The following HNRNPA3 variants were observed in gnomAD, a reference collection of about 807,000 sequenced individuals.
The protein encoded by HNRNPA3 is heterogeneous nuclear ribonucleoprotein A3.
In HNRNPA3, 3 loss-of-function variants were observed where a neutral mutation model predicts 45.8. That is an observed-to-expected ratio of 0.07 (90% CI 0.03 to 0.17). The LOEUF is 0.17. Ranked by LOEUF, HNRNPA3 falls within the 10% of genes least tolerant of loss-of-function variation. HNRNPA3 has a pLI of 1.00. For synonymous variants in HNRNPA3, 170 were observed against 155.6 expected (o/e 1.09, Z -0.69); for missense variants, 183 against 480.3 (o/e 0.38, Z 5.79).
At position 177,216,843 on chromosome 2, in the gene HNRNPA3, T is replaced by C; in HGVS notation, c.740-17T>C. The C allele has an allele frequency of 6.2e-7, 1 of 1,612,600 alleles. No homozygotes were observed. The highest frequency in any genetic ancestry group is 8.5e-7 in the Non-Finnish European group (1 of 1,179,752). Reference sequence around the variant, plus strand: ...AGTTGAATATATTATTTTAATTCATTTCTTGTTTTTCCTCAGGAGGCTATG... The same window carrying C: ...AGTTGAATATATTATTTTAATTCATCTCTTGTTTTTCCTCAGGAGGCTATG... On this transcript the variant is annotated splice_polypyrimidine_tract_variant and intron_variant, in intron 6 of 10. Transcript: ENST00000392524.
intron 4 of HNRNPA3, 38 bp from the exon 5 acceptor site, chr2:177,216,465 A>C: frequency 6.7e-7 from 1 of 1,482,484 alleles, no homozygotes; most frequent in Non-Finnish European, 9.4e-7. Flanking sequence ...CCAAACATAA[A>C]ATAACTTTTT....
rs979972619 is a variant in HNRNPA3 at position 177,215,062 on chromosome 2, C to T, written c.73-477C>T. On this transcript the variant is annotated intron_variant, in intron 1 of 10. Transcript: ENST00000392524. ...TATAGGTTTCCTTGACATAAGTTAG[C>T]CCCTTTAACAGTTGAAGTCTTATTT... is the stretch of plus-strand genomic sequence containing the variant. Among the ~76,000 whole-genome samples the T allele has an allele frequency of 3.9e-5, 6 of 152,102 alleles. No homozygotes were observed. The East Asian group carries it at 7.7e-4, about 20-fold the overall frequency.
chr2:177,213,590 CTTACA>C (rs949755730), intron 1 of HNRNPA3, among the ~76,000 whole-genome samples: 2 of 152,166 alleles, frequency 1.3e-5, no homozygotes, highest in Non-Finnish European at 2.9e-5. Flanking sequence ...TGCTAAAGTA[CTTACA>C]TTACACTTCT....
intron 7 of HNRNPA3, 113 bp from the exon 8 acceptor site, chr2:177,217,592 A>T: frequency 7.7e-7 from 1 of 1,299,744 alleles, no homozygotes; most frequent in Non-Finnish European, 1.1e-6. Context: ...GCACCACTGT[A>T]CTTGAGCCCG....
downstream of HNRNPA3, chr2:177,222,889 C>T (rs574263108): frequency 2.6e-5 from 4 of 152,718 alleles, no homozygotes; most frequent in South Asian, 4.1e-4. Flanking sequence ...GTTACATTTT[C>T]GTTCCTTTTT....
intron 8 of HNRNPA3, among the ~76,000 whole-genome samples, chr2:177,218,144 C>T (rs1225322656): frequency 1.4e-5 from 2 of 144,358 alleles, no homozygotes; most frequent in African/African-American, 2.6e-5. Flanking sequence ...TCATTGCAAT[C>T]TCCGCCTCCC....
At chr2:177,223,184 A>C (rs1689261733), downstream of HNRNPA3, 1 of 152,256 alleles carries the variant, frequency 6.6e-6, no homozygotes, top group African/African-American at 2.4e-5. Flanking sequence ...GGTTGGCTCT[A>C]TTTAAATCAG....
At chr2:177,214,140 G>A (rs2105425224) in intron 1 of HNRNPA3, among the ~76,000 whole-genome samples, 1 of 152,334 alleles carries the variant, frequency 6.6e-6, no homozygotes, top group African/African-American at 2.4e-5. Flanking sequence ...CATGCAATGT[G>A]TTAAAAAGTC....
intron 1 of HNRNPA3, among the ~76,000 whole-genome samples, chr2:177,213,826 G>A (rs919695924): frequency 6.6e-6 from 1 of 152,202 alleles, no homozygotes; most frequent in African/African-American, 2.4e-5. Flanking sequence ...TTTATTTAGA[G>A]GACTGCAACC....
intron 7 of HNRNPA3, 149 bp downstream of exon 7, chr2:177,217,089 C>T: frequency 3.6e-6 from 3 of 835,462 alleles, no homozygotes; most frequent in Non-Finnish European, 5.3e-6. Flanking sequence ...AACAGGAACC[C>T]TTTTTCCCCT....
At position 177,218,052 on chromosome 2, in the gene HNRNPA3, CTTTTTTTTTTTT is replaced by C. The variant is rs58476089; in HGVS notation, c.961+223_961+234del. ...ACAAATGTACTCAGCTCTCTTTTTT[CTTTTTTTTTTTT>C]TTTTTTTTTTTTTTTGAGATGGAGT... On this transcript the variant is annotated intron_variant, in intron 8 of 10. Coordinates refer to ENST00000392524, the Ensembl canonical transcript of HNRNPA3. Among the ~76,000 whole-genome samples, 95 of 102,158 alleles carry C rather than the reference CTTTTTTTTTTTT, an allele frequency of 9.3e-4. 3 individuals carry two copies. The highest frequency in any genetic ancestry group is 1.6e-3 in the East Asian group (6 of 3,766). 67.0% of individuals were successfully genotyped at this position (102,158 alleles called of 152,430 possible). A position where few individuals can be genotyped will look rare whatever the true frequency, so the allele number is the denominator to read the frequency against.
downstream of HNRNPA3, chr2:177,221,203 T>A (rs1190364082): frequency 1.3e-5 from 2 of 152,648 alleles, no homozygotes; most frequent in African/African-American, 4.8e-5. Flanking sequence ...TAGGCTAATA[T>A]TAGAAAATGG....
At chr2:177,218,038 C>A (rs1478634400) in intron 8 of HNRNPA3, among the ~76,000 whole-genome samples, 193 bp downstream of exon 8, 1 of 144,392 alleles carries the variant, frequency 6.9e-6, no homozygotes, top group Non-Finnish European at 1.5e-5. Flanking sequence ...CAAATGTACT[C>A]AGCTCTCTTT....
At chr2:177,219,854 T>G (rs1286644544) in exon 11 of HNRNPA3, 2 of 152,728 alleles carry the variant, frequency 1.3e-5, no homozygotes, top group East Asian at 1.9e-4. Context: ...TGTTTCCTTG[T>G]GAGTTAACAA....
chr2:177,214,908 T>A (rs1375164131), intron 1 of HNRNPA3, among the ~76,000 whole-genome samples: 2 of 152,222 alleles, frequency 1.3e-5, no homozygotes, highest in Non-Finnish European at 1.5e-5. Flanking sequence ...AGAAAATGAC[T>A]TACTAGCAAC....
chr2:177,217,040 C>T (rs1688972805), intron 7 of HNRNPA3, 100 bp downstream of exon 7: 6 of 1,242,956 alleles, frequency 4.8e-6, no homozygotes, highest in African/African-American at 3.1e-5. Context: ...ACTTCAGTGG[C>T]TAAATGGTTA....
chr2:177,219,870 G>A (rs971705121), exon 11 of HNRNPA3: 3 of 152,538 alleles, frequency 2.0e-5, no homozygotes, highest in African/African-American at 7.3e-5. Flanking sequence ...AACAAGTAAA[G>A]AAGATCATTG....
At chr2:177,215,003 T>C (rs1446365289) in intron 1 of HNRNPA3, among the ~76,000 whole-genome samples, 4 of 152,360 alleles carry the variant, frequency 2.6e-5, no homozygotes, top group Admixed American at 1.3e-4. Flanking sequence ...GATTTCAATT[T>C]AGTTGAAGTG....
intron 1 of HNRNPA3, 57 bp from the exon 2 acceptor site, chr2:177,215,482 G>C (rs1275964091): frequency 6.5e-7 from 1 of 1,545,606 alleles, no homozygotes; most frequent in East Asian, 2.2e-5. Flanking sequence ...AAGGCTCTTC[G>C]TGCATCTTAA....
Sources: allele counts gnomAD v4.1 joint callset (sites outside exome capture counted in the v4.1 genomes callset), GRCh38; gene constraint gnomAD v4.1.1; transcripts MANE v1.5; gene names NCBI Gene and HGNC (gene_info 2026-07-23, HGNC 2026-07-21).